The following TPO variants were observed in gnomAD, a reference collection of about 807,000 sequenced individuals.
TPO encodes the protein thyroid peroxidase.
A neutral mutation model predicts 96.9 loss-of-function variants in TPO; 78 were observed. The observed-to-expected ratio is 0.81, with a 90% CI of 0.67 to 0.97. The LOEUF (loss-of-function observed/expected upper bound fraction) is 0.97, where lower values mean the gene tolerates loss of function less well. Among genes scored for constraint, TPO ranks in the 50% least tolerant of loss-of-function variants. The pLI is 0.00. For synonymous variants in TPO, 547 were observed against 538.0 expected (o/e 1.02, Z -0.23); for missense variants, 1,252 against 1,274.8 (o/e 0.98, Z 0.27).
At chr2:1,492,413 C>CAA (rs369159545) in intron 10 of TPO, among the ~76,000 whole-genome samples, 1 of 152,192 alleles carries the variant, frequency 6.6e-6, no homozygotes, top group African/African-American at 2.4e-5. Context: ...CCTCGGCCTC[C>CAA]AAAAGTGCTG....
chr2:1,447,824 C>G (rs971657645), intron 5 of TPO, among the ~76,000 whole-genome samples: 1 of 152,140 alleles, frequency 6.6e-6, no homozygotes, highest in Non-Finnish European at 1.5e-5. Context: ...TATCATGAAT[C>G]GAGTAGCCAC....
Position 1,375,967 on chromosome 2 carries a change from C to A in TPO, n.180+1565C>A, listed in dbSNP as rs1661716405. Among the ~76,000 whole-genome samples, 3 of 152,246 alleles carry A rather than the reference C, an allele frequency of 2.0e-5. No individual in the cohort carries two copies. In the South Asian group the frequency reaches 6.2e-4, roughly 32 times the overall value. On this transcript the variant is annotated intron_variant and non_coding_transcript_variant, in intron 1 of 5. Coordinates refer to the TPO transcript ENST00000497517. ...GGGAATGACAGTGCTTCATCCAGCA[C>A]AACGGGTTCCTCTTCAGGGTGCCAC...
intron 14 of TPO, among the ~76,000 whole-genome samples, chr2:1,509,378 C>G (rs1307379189): frequency 2.0e-5 from 3 of 149,732 alleles, no homozygotes; most frequent in African/African-American, 7.4e-5. Flanking sequence ...ATACCCTCTT[C>G]TTTCAGGGAC....
At chr2:1,497,775 A>G (rs1672502688) in intron 13 of TPO, among the ~76,000 whole-genome samples, 1 of 152,140 alleles carries the variant, frequency 6.6e-6, no homozygotes, top group Non-Finnish European at 1.5e-5. Context: ...TATGAGCTGC[A>G]CTTACCTAGA....
chr2:1,414,541 A>C (rs1662690158), intron 2 of TPO, 39 bp downstream of exon 2: 1 of 1,594,582 alleles, frequency 6.3e-7, no homozygotes, highest in Admixed American at 1.7e-5. Flanking sequence ...GGCCTTATAA[A>C]GTTATTTTTC....
chr2:1,490,542 C>T (rs114538547), intron 10 of TPO, among the ~76,000 whole-genome samples: 2,038 of 143,572 alleles, frequency 0.014, 93 homozygotes, highest in South Asian at 0.059. Context: ...GCCTGCAGTT[C>T]GAAGCCCACT....
chr2:1,420,595 G>A (rs1031822234), intron 2 of TPO, among the ~76,000 whole-genome samples: 2 of 152,176 alleles, frequency 1.3e-5, no homozygotes, highest in Non-Finnish European at 2.9e-5. Flanking sequence ...GATTGGTCTT[G>A]GGCAGGTGGT....
chr2:1,467,045 C>T (rs991623822), intron 7 of TPO, among the ~76,000 whole-genome samples: 12 of 151,930 alleles, frequency 7.9e-5, no homozygotes, highest in Non-Finnish European at 1.5e-4. Context: ...CTCTTAGCAC[C>T]GCCTTTGCTG....
chr2:1,494,716 G>A (rs531683789), intron 11 of TPO, among the ~76,000 whole-genome samples: 7 of 152,288 alleles, frequency 4.6e-5, no homozygotes, highest in African/African-American at 1.4e-4. Context: ...AAAAGCAATA[G>A]GAAAATGTTT....
At chr2:1,394,695 G>A (rs1428980433) in intron 1 of TPO, among the ~76,000 whole-genome samples, 7 of 152,188 alleles carry the variant, frequency 4.6e-5, no homozygotes, top group Non-Finnish European at 8.8e-5. Context: ...AGCGTCACCC[G>A]GGCCCTGCCC....
chr2:1,485,976 A>G (rs1671122470), intron 9 of TPO, among the ~76,000 whole-genome samples: 1 of 152,146 alleles, frequency 6.6e-6, no homozygotes, highest in Non-Finnish European at 1.5e-5. Flanking sequence ...GTCCTTGCCC[A>G]TGCCTATGTC....
At chr2:1,378,503 C>T (rs1353806798) in intron 1 of TPO, among the ~76,000 whole-genome samples, 2 of 152,244 alleles carry the variant, frequency 1.3e-5, no homozygotes, top group Non-Finnish European at 2.9e-5. Context: ...CCATGCTTAG[C>T]GGCTGATGGC....
chr2:1,428,308 G>C (rs550044367), intron 3 of TPO, among the ~76,000 whole-genome samples: 1 of 152,174 alleles, frequency 6.6e-6, no homozygotes, highest in African/African-American at 2.4e-5. Context: ...TGTGGCTTGT[G>C]GGGTGGTTGA....
intron 1 of TPO, among the ~76,000 whole-genome samples, chr2:1,403,847 T>C (rs1662207569): frequency 6.6e-6 from 1 of 152,148 alleles, no homozygotes; most frequent in African/African-American, 2.4e-5. Context: ...ATCTCCCCTC[T>C]GCACGCAGCG....
intron 5 of TPO, among the ~76,000 whole-genome samples, chr2:1,437,675 T>C (rs993051403): frequency 1.3e-5 from 2 of 152,176 alleles, no homozygotes; most frequent in South Asian, 2.1e-4. Context: ...CTGTAAGAGC[T>C]TGTTTGTTAA....
chr2:1,381,147 T>A (rs11899279), intron 1 of TPO, among the ~76,000 whole-genome samples: 29,977 of 151,994 alleles, frequency 0.2, 5,347 homozygotes, highest in African/African-American at 0.47. Context: ...CAATGGCAAT[T>A]AAAGCCAGAA....
Position 1,423,117 on chromosome 2 carries a change from C to T in TPO, c.167C>T (p.Ala56Val), listed in dbSNP as rs771469941. 6.2e-7 allele frequency: 1 copy of T among 1,613,946 alleles called. No homozygotes were observed. The highest frequency in any genetic ancestry group is 1.1e-5 in the South Asian group (1 of 91,068). ...CGCCTGGTGGACACCGCCATGTACG[C>T]CACGATGCAGAGGTGAGCCTTGCGG... ...SKRLVDTAMY[A>V]TMQRNLKKRG... The change falls in exon 3 of 17, where the codon GCC (alanine) becomes GTC (valine). Residue 56 changes from alanine (A) to valine (V), a missense_variant. Transcript: ENST00000329066.
intron 5 of TPO, among the ~76,000 whole-genome samples, chr2:1,440,839 T>G (rs1666107779): frequency 6.6e-6 from 1 of 152,102 alleles, no homozygotes; most frequent in African/African-American, 2.4e-5. Flanking sequence ...GGTACTACGT[T>G]GGAAGCAAGT....
chr2:1,411,662 C>G (rs1198265986), upstream of TPO, among the ~76,000 whole-genome samples: 1 of 152,152 alleles, frequency 6.6e-6, no homozygotes, highest in Non-Finnish European at 1.5e-5. Flanking sequence ...CAGCAAGGTC[C>G]AGGGACAGGC....
Sources: allele counts gnomAD v4.1 joint callset (sites outside exome capture counted in the v4.1 genomes callset), GRCh38; gene constraint gnomAD v4.1.1; transcripts MANE v1.5; gene names NCBI Gene and HGNC (gene_info 2026-07-23, HGNC 2026-07-21).